The following IL16 variants were observed in gnomAD, a reference collection of about 807,000 sequenced individuals.
IL16 encodes interleukin 16.
A neutral mutation model predicts 110.1 loss-of-function variants in IL16; 67 were observed. The ratio of observed to expected loss-of-function variants is 0.61; its 90% confidence interval spans 0.50 to 0.75. The LOEUF (loss-of-function observed/expected upper bound fraction) is 0.75, where lower values mean the gene tolerates loss of function less well. IL16 is among the 30% of genes least tolerant of loss of function. The probability of loss-of-function intolerance (pLI) is 0.00; values close to 1 mark genes in which losing one functional copy is unlikely to be tolerated. For missense variants in IL16, 1,545 were observed against 1,655.0 expected, an observed-to-expected ratio of 0.93 and a Z score of 1.15; for synonymous variants, 689 against 662.9, an observed-to-expected ratio of 1.04 and a Z score of -0.61.
intron 2 of IL16, among the ~76,000 whole-genome samples, chr15:81,235,523 C>T (rs529203806): frequency 2.4e-4 from 37 of 152,236 alleles, no homozygotes; most frequent in African/African-American, 8.4e-4. Flanking sequence ...CCCACTAGGC[C>T]CCCCCTCCAA....
At chr15:81,218,092 G>C (rs992513778) in intron 1 of IL16, among the ~76,000 whole-genome samples, 1 of 152,112 alleles carries the variant, frequency 6.6e-6, no homozygotes, top group Non-Finnish European at 1.5e-5. Context: ...GTTTGTTAAT[G>C]TTCAGAGGTT....
At position 81,303,461 on chromosome 15, in the gene IL16, A is replaced by AT; in HGVS notation, c.3319-87dup. On this transcript the variant is annotated intron_variant, in intron 15 of 18. Coordinates refer to ENST00000683961, the MANE Select transcript of IL16 (RefSeq NM_172217.5). The surrounding 1 kb of genome is among the most constrained non-coding windows in gnomAD (Gnocchi z 4.1). Reference sequence around the variant, plus strand: ...GAGGCTGGCCAAGCTGGGGTTTGAGATAACAAATCAGTCTGATGTCAGTCC... The same window carrying AT: ...GAGGCTGGCCAAGCTGGGGTTTGAGATTAACAAATCAGTCTGATGTCAGTCC... 1 of 898,060 alleles carries AT rather than the reference A, an allele frequency of 1.1e-6. No homozygotes were observed. The highest frequency in any genetic ancestry group is 1.8e-6 in the Non-Finnish European group (1 of 555,318). The allele number at this position is 898,060 out of a possible 1,614,324, so 55.6% of individuals were successfully genotyped here.
intron 1 of IL16, among the ~76,000 whole-genome samples, chr15:81,201,153 C>A (rs1169960534): frequency 3.3e-5 from 5 of 150,480 alleles, no homozygotes; most frequent in African/African-American, 5.0e-5. Context: ...GTGTGTGTGT[C>A]TCTGTGTGTG....
In IL16 at chr15:81,305,897, G is replaced by T; in HGVS notation, c.3421-11G>T. On this transcript the variant is annotated splice_polypyrimidine_tract_variant and intron_variant, in intron 16 of 18. Transcript: ENST00000683961. The stretch of plus-strand genomic sequence containing the variant: ...GTGATTTCTGGTCCTGACTTCCTTT[G>T]GTTTGCTCAGGTTCACAGAGTGTTT... The T allele has an allele frequency of 6.2e-7, 1 of 1,613,006 alleles. No homozygotes were observed. The highest frequency in any genetic ancestry group is 8.5e-7 in the Non-Finnish European group (1 of 1,179,290).
chr15:81,292,876 C>T lies in IL16; in HGVS notation c.1741C>T (p.Leu581=). The T allele has an allele frequency of 6.2e-7, 1 of 1,614,224 alleles. No homozygotes were observed. The highest frequency in any genetic ancestry group is 8.5e-7 in the Non-Finnish European group (1 of 1,180,024). Residue 581 remains leucine, a synonymous_variant, in exon 12 of 19, where the codon CTG becomes TTG. Coordinates refer to ENST00000683961, the MANE Select transcript of IL16 (RefSeq NM_172217.5). ...ESRDSHPPLR[L]KKSFEILVRK... Reference sequence around the variant, plus strand: ...CCGGGACAGCCACCCGCCGCTGAGACTGAAGAAATCCTTTGAGATTTTGGT... The same window carrying T: ...CCGGGACAGCCACCCGCCGCTGAGATTGAAGAAATCCTTTGAGATTTTGGT...
chr15:81,210,785 C>T (rs561548440), intron 1 of IL16, among the ~76,000 whole-genome samples: 61 of 152,292 alleles, frequency 4.0e-4, no homozygotes, highest in African/African-American at 1.2e-3. Flanking sequence ...ATATTGACAA[C>T]GAAGAGAGAT....
At chr15:81,294,800 T>C (rs1337700735) in intron 12 of IL16, among the ~76,000 whole-genome samples, 1 of 152,144 alleles carries the variant, frequency 6.6e-6, no homozygotes, top group South Asian at 2.1e-4. Flanking sequence ...TAGCACGCAA[T>C]AGAAAACAGG....
chr15:81,191,958 A>C (rs902407793), upstream of IL16, among the ~76,000 whole-genome samples: 2 of 152,136 alleles, frequency 1.3e-5, no homozygotes, highest in Non-Finnish European at 2.9e-5. Context: ...TTATTTTGGA[A>C]AACAACGCAA....
At chr15:81,229,967 CT>C (rs35306060) in intron 2 of IL16, among the ~76,000 whole-genome samples, 16 of 150,022 alleles carry the variant, frequency 1.1e-4, no homozygotes, top group South Asian at 2.1e-4. Flanking sequence ...AAACAGCCAA[CT>C]TTTTTTTTTA....
chr15:81,258,092 G>A (rs748839653), intron 2 of IL16, among the ~76,000 whole-genome samples: 2 of 152,114 alleles, frequency 1.3e-5, no homozygotes, highest in Non-Finnish European at 2.9e-5. Flanking sequence ...AGAGTTAAGT[G>A]AAGATCATTG....
chr15:81,245,723 G>GTTTT (rs1897517097), intron 2 of IL16, among the ~76,000 whole-genome samples: 3 of 78,662 alleles, frequency 3.8e-5, no homozygotes, highest in African/African-American at 1.5e-4. Flanking sequence ...TTTTGTTTTG[G>GTTTT]CTTTTTTTTT....
chr15:81,224,333 G>C (rs1896717122), intron 1 of IL16, among the ~76,000 whole-genome samples: 1 of 152,224 alleles, frequency 6.6e-6, no homozygotes, highest in Non-Finnish European at 1.5e-5. Context: ...CTCTTTTGTG[G>C]CTTGGGCCTG....
intron 1 of IL16, among the ~76,000 whole-genome samples, chr15:81,218,246 TAATTC>T (rs1370946316): frequency 6.6e-6 from 1 of 152,046 alleles, no homozygotes; most frequent in African/African-American, 2.4e-5. Context: ...ATTTTACAAA[TAATTC>T]AATTCAAAAT....
chr15:81,208,927 T>C (rs1896133610), intron 1 of IL16, among the ~76,000 whole-genome samples: 1 of 152,190 alleles, frequency 6.6e-6, no homozygotes, highest in African/African-American at 2.4e-5. Flanking sequence ...TTAAAAATAG[T>C]ATATATCTCA....
chr15:81,217,203 G>A (rs1896465245), intron 1 of IL16, among the ~76,000 whole-genome samples: 1 of 152,098 alleles, frequency 6.6e-6, no homozygotes, highest in Non-Finnish European at 1.5e-5. Context: ...AGAAGGGGAG[G>A]CCAACAGAAA....
intron 1 of IL16, among the ~76,000 whole-genome samples, chr15:81,213,434 G>A (rs955703989): frequency 2.0e-5 from 3 of 152,164 alleles, no homozygotes; most frequent in Non-Finnish European, 4.4e-5. Context: ...TAAGTCCAGA[G>A]TGTCTTCGTT....
intron 2 of IL16, among the ~76,000 whole-genome samples, chr15:81,255,606 C>T (rs1897917368): frequency 6.6e-6 from 1 of 152,168 alleles, no homozygotes; most frequent in Non-Finnish European, 1.5e-5. Flanking sequence ...TCCCAGGTGC[C>T]ATGGAAAGAA....
intron 3 of IL16, 137 bp from the exon 4 acceptor site, chr15:81,265,522 A>T: frequency 1.1e-6 from 1 of 893,304 alleles, no homozygotes; most frequent in South Asian, 1.7e-5. Context: ...TCTCCCCACC[A>T]CGCACCTGGC....
chr15:81,248,185 TA>T (rs1415590948), intron 2 of IL16, among the ~76,000 whole-genome samples: 2 of 152,202 alleles, frequency 1.3e-5, no homozygotes, highest in Admixed American at 6.5e-5. Context: ...TGTTTGAATC[TA>T]CCTTGTCTAT....
Sources: allele counts gnomAD v4.1 joint callset (sites outside exome capture counted in the v4.1 genomes callset), GRCh38; gene constraint gnomAD v4.1.1; non-coding constraint Gnocchi (gnomAD v3.1); transcripts MANE v1.5; gene names NCBI Gene and HGNC (gene_info 2026-07-23, HGNC 2026-07-21).